Variants in RBFOX1 observed in about 807,000 individuals in gnomAD.
RBFOX1 encodes the protein RNA binding fox-1 homolog 1, also known as RNA binding protein fox-1 homolog 1.
RBFOX1 carries 8 observed loss-of-function variants against 57.7 expected under a neutral mutation model. The observed-to-expected ratio is 0.14, with a 90% CI of 0.08 to 0.25. The LOEUF (loss-of-function observed/expected upper bound fraction) is 0.25, where lower values mean the gene tolerates loss of function less well. RBFOX1 is among the 10% of genes least tolerant of loss of function. The probability of loss-of-function intolerance (pLI) is 1.00; values close to 1 mark genes in which losing one functional copy is unlikely to be tolerated. For synonymous variants in RBFOX1, 326 were observed against 222.4 expected (o/e 1.47, Z -4.15); for missense variants, 611 against 548.5 (o/e 1.11, Z -1.14).
At chr16:6,774,246 G>T (rs1042673297) in intron 3 of RBFOX1, among the ~76,000 whole-genome samples, 16 of 152,120 alleles carry the variant, frequency 1.1e-4, no homozygotes, top group African/African-American at 3.9e-4. Flanking sequence ...TTGAAAGGAA[G>T]CTTTTGAGGA....
At chr16:5,919,941 G>A (rs755031309) in intron 4 of RBFOX1, among the ~76,000 whole-genome samples, 5 of 151,292 alleles carry the variant, frequency 3.3e-5, no homozygotes, top group Non-Finnish European at 7.4e-5. Flanking sequence ...ACATATATCA[G>A]TACTTCCATT....
intron 1 of RBFOX1, among the ~76,000 whole-genome samples, chr16:5,456,354 C>G (rs1449930220): frequency 6.6e-6 from 1 of 152,142 alleles, no homozygotes; most frequent in Non-Finnish European, 1.5e-5. Context: ...TGAAACTCGC[C>G]TTGTCTGTCA....
chr16:6,946,480 C>T lies in RBFOX1; in HGVS notation c.-15-105577C>T, dbSNP rs79459719. On this transcript the variant is annotated intron_variant, in intron 3 of 15. Transcript: ENST00000550418. ...AACTGGCTTGGTAATGGGCTTTCTG[C>T]ATAGCCTGTTTTCTCCTCCTTGTTT... Among the ~76,000 whole-genome samples, 564 of 152,322 alleles carry T rather than the reference C, an allele frequency of 3.7e-3. 3 individuals are homozygous for T. Among genetic ancestry groups the T allele is most frequent in the African/African-American group, 0.013 (536 of 41,566 alleles).
intron 1 of RBFOX1, among the ~76,000 whole-genome samples, chr16:6,068,405 G>C: frequency 6.6e-6 from 1 of 152,196 alleles, no homozygotes; most frequent in Non-Finnish European, 1.5e-5. Flanking sequence ...AGGCTGGAGT[G>C]TATCAAAAGC....
At chr16:6,175,325 A>C (rs1023198188) in intron 1 of RBFOX1, among the ~76,000 whole-genome samples, 9 of 152,196 alleles carry the variant, frequency 5.9e-5, no homozygotes, top group African/African-American at 2.2e-4. Flanking sequence ...AGGAGTGCTG[A>C]GTTACAGGGT....
At chr16:6,771,959 A>G (rs924673234) in intron 3 of RBFOX1, among the ~76,000 whole-genome samples, 2 of 152,128 alleles carry the variant, frequency 1.3e-5, no homozygotes, top group African/African-American at 4.8e-5. Context: ...GAATAGCTAT[A>G]TAAGATCCTC....
chr16:5,884,941 G>T (rs2057860468), intron 4 of RBFOX1, among the ~76,000 whole-genome samples: 1 of 152,172 alleles, frequency 6.6e-6, no homozygotes, highest in Non-Finnish European at 1.5e-5. Context: ...GGAAAGAGCT[G>T]GTGGTGCTGT....
chr16:7,063,360 T>C (rs895077616), intron 4 of RBFOX1, among the ~76,000 whole-genome samples: 8 of 152,074 alleles, frequency 5.3e-5, no homozygotes, highest in Non-Finnish European at 8.8e-5. Flanking sequence ...ATCAAAGATA[T>C]ATCAGTATCA....
intron 10 of RBFOX1, among the ~76,000 whole-genome samples, chr16:7,627,914 ATTT>A (rs34947164): frequency 2.7e-5 from 4 of 147,048 alleles, no homozygotes; most frequent in African/African-American, 7.4e-5. Flanking sequence ...TTGCATAAAG[ATTT>A]TTTTTTTTTT....
At chr16:6,123,197 T>C (rs914661789) in intron 1 of RBFOX1, among the ~76,000 whole-genome samples, 1 of 152,200 alleles carries the variant, frequency 6.6e-6, no homozygotes, top group Non-Finnish European at 1.5e-5. Context: ...CAGATACTTG[T>C]ATACCAGTGT....
At chr16:6,250,579 A>C (rs944508561) in intron 1 of RBFOX1, among the ~76,000 whole-genome samples, 3 of 152,174 alleles carry the variant, frequency 2.0e-5, no homozygotes, top group Non-Finnish European at 4.4e-5. Context: ...ATTTTCATGC[A>C]GGAGAAGCCT....
At chr16:5,915,751 G>C (rs1160789047) in intron 4 of RBFOX1, among the ~76,000 whole-genome samples, 1 of 152,068 alleles carries the variant, frequency 6.6e-6, no homozygotes, top group African/African-American at 2.4e-5. Context: ...AAAATTGCTT[G>C]AACCCTTGAG....
chr16:6,586,270 C>T (rs1343693197), intron 2 of RBFOX1, among the ~76,000 whole-genome samples: 2 of 152,136 alleles, frequency 1.3e-5, no homozygotes, highest in African/African-American at 2.4e-5. Context: ...TTGAACCACT[C>T]GTCTTACAAC....
At chr16:5,685,339 A>G (rs1314039673) in intron 3 of RBFOX1, among the ~76,000 whole-genome samples, 1 of 152,198 alleles carries the variant, frequency 6.6e-6, no homozygotes, top group Admixed American at 6.5e-5. Flanking sequence ...GTTAGCCTCC[A>G]AGTAAGTCAT....
chr16:6,501,766 C>G (rs538246158), intron 2 of RBFOX1, among the ~76,000 whole-genome samples: 3 of 152,046 alleles, frequency 2.0e-5, no homozygotes, highest in Non-Finnish European at 2.9e-5. Context: ...TTTCCATATT[C>G]TTTTCTAAAC....
chr16:7,628,700 C>T (rs1411412056), intron 10 of RBFOX1, among the ~76,000 whole-genome samples: 1 of 152,078 alleles, frequency 6.6e-6, no homozygotes, highest in Admixed American at 6.6e-5. Flanking sequence ...GCAACCTCCA[C>T]CTCCTGGGTT....
At chr16:6,766,049 G>A (rs1335734488) in intron 3 of RBFOX1, among the ~76,000 whole-genome samples, 1 of 151,836 alleles carries the variant, frequency 6.6e-6, no homozygotes, top group Non-Finnish European at 1.5e-5. Flanking sequence ...CGGGTGGCAG[G>A]TGCACTAAAA....
At chr16:6,984,716 C>G (rs1041067588) in intron 3 of RBFOX1, among the ~76,000 whole-genome samples, 2 of 152,152 alleles carry the variant, frequency 1.3e-5, no homozygotes, top group East Asian at 1.9e-4. Context: ...TCTCTTCTCA[C>G]TGCAACCTCT....
intron 1 of RBFOX1, among the ~76,000 whole-genome samples, chr16:5,242,036 G>T (rs1398457586): frequency 1.3e-5 from 2 of 152,028 alleles, no homozygotes; most frequent in East Asian, 3.9e-4. Context: ...GATTGCTAGA[G>T]CCTGGAAGGT....
Sources: gnomAD v4.1 joint callset for allele counts (sites outside exome capture counted in the v4.1 genomes callset) on GRCh38, gnomAD v4.1.1 for gene constraint, MANE v1.5 for transcripts, NCBI Gene and HGNC (gene_info 2026-07-23, HGNC 2026-07-21) for gene names.